Variants in FAF1 observed in about 807,000 individuals in gnomAD.
FAF1 encodes the protein Fas associated factor 1, also known as FAS-associated factor 1.
Under a neutral mutation model 92.5 loss-of-function variants are expected in FAF1, and 25 were observed. That is an observed-to-expected ratio of 0.27 (90% CI 0.20 to 0.38). The LOEUF (loss-of-function observed/expected upper bound fraction) is 0.38, where lower values mean the gene tolerates loss of function less well. Ranked by LOEUF, FAF1 falls within the 10% of genes least tolerant of loss-of-function variation. The pLI is 1.00. For synonymous variants in FAF1, 234 were observed against 273.2 expected (o/e 0.86, Z 1.42); for missense variants, 636 against 793.3 (o/e 0.80, Z 2.38).
intron 1 of FAF1, among the ~76,000 whole-genome samples, chr1:50,901,327 T>A (rs931755560): frequency 1.3e-5 from 2 of 152,116 alleles, no homozygotes; most frequent in African/African-American, 4.8e-5. Flanking sequence ...GAAAGATCAA[T>A]TATTTTAATT....
At chr1:50,823,187 G>C (rs926120356) in intron 2 of FAF1, among the ~76,000 whole-genome samples, 1 of 152,160 alleles carries the variant, frequency 6.6e-6, no homozygotes, top group Non-Finnish European at 1.5e-5. Context: ...TATATTACAA[G>C]CAGCAGCAGA....
chr1:50,586,728 TTTAGAGCA>T (rs1220678831), intron 9 of FAF1, among the ~76,000 whole-genome samples: 3 of 152,176 alleles, frequency 2.0e-5, no homozygotes, highest in Non-Finnish European at 4.4e-5. Flanking sequence ...GCTTTCTCAT[TTTAGAGCA>T]GTGAAAGAGC....
At chr1:50,931,190 T>G (rs908581589) in intron 1 of FAF1, among the ~76,000 whole-genome samples, 2 of 152,260 alleles carry the variant, frequency 1.3e-5, no homozygotes, top group Admixed American at 6.5e-5. Context: ...TAGTTTACTG[T>G]AAGTTTACTA....
intron 7 of FAF1, among the ~76,000 whole-genome samples, chr1:50,705,185 C>T (rs181207025): frequency 1.3e-5 from 2 of 152,312 alleles, no homozygotes; most frequent in Admixed American, 1.3e-4. Flanking sequence ...GGGCCCAAGG[C>T]ATACCAACAA....
chr1:50,626,454 C>A (rs977630854), intron 8 of FAF1, among the ~76,000 whole-genome samples: 1 of 152,064 alleles, frequency 6.6e-6, no homozygotes, highest in Non-Finnish European at 1.5e-5. Context: ...AAGAATTATA[C>A]AGGATATATC....
At chr1:50,638,439 CTTTT>C (rs1654163145) in intron 8 of FAF1, among the ~76,000 whole-genome samples, 1 of 143,248 alleles carries the variant, frequency 7.0e-6, no homozygotes, top group East Asian at 2.0e-4. Flanking sequence ...TTTTCTTTTT[CTTTT>C]TCTTTTTTTT....
At chr1:50,922,162 G>A (rs561814887) in intron 1 of FAF1, among the ~76,000 whole-genome samples, 8 of 128,730 alleles carry the variant, frequency 6.2e-5, no homozygotes, top group South Asian at 2.4e-4. Flanking sequence ...GAGAGACTCC[G>A]TCTCAAAAAA....
At chr1:50,654,694 A>C (rs1655023986) in intron 8 of FAF1, among the ~76,000 whole-genome samples, 1 of 152,216 alleles carries the variant, frequency 6.6e-6, no homozygotes. Flanking sequence ...AGGTAGTTTT[A>C]AAATTAAATA....
intron 1 of FAF1, among the ~76,000 whole-genome samples, chr1:50,893,900 C>G (rs939349642): frequency 5.9e-5 from 9 of 152,146 alleles, no homozygotes; most frequent in Non-Finnish European, 1.2e-4. Context: ...GGCACTCAAA[C>G]CACAAGACTA....
intron 8 of FAF1, among the ~76,000 whole-genome samples, chr1:50,639,797 G>T (rs1654232013): frequency 6.6e-6 from 1 of 151,926 alleles, no homozygotes; most frequent in Admixed American, 6.6e-5. Context: ...AGCCGGGCAT[G>T]GTGGCATGCA....
chr1:50,628,287 AT>A (rs1653603883), intron 8 of FAF1, among the ~76,000 whole-genome samples: 1 of 152,162 alleles, frequency 6.6e-6, no homozygotes, highest in Non-Finnish European at 1.5e-5. Flanking sequence ...GAAGAAACTT[AT>A]TTTACTCAGC....
chr1:50,568,697 G>C (rs1444822650), intron 12 of FAF1, among the ~76,000 whole-genome samples: 1 of 152,174 alleles, frequency 6.6e-6, no homozygotes, highest in Non-Finnish European at 1.5e-5. Flanking sequence ...CAGATAGTTA[G>C]TAACTAATAC....
intron 1 of FAF1, among the ~76,000 whole-genome samples, chr1:50,887,484 T>G (rs1644677462): frequency 6.6e-6 from 1 of 152,234 alleles, no homozygotes; most frequent in Admixed American, 6.5e-5. Flanking sequence ...TGCCTACATT[T>G]TCTTCTAGGG....
chr1:50,501,579 T>C (rs935775009), intron 15 of FAF1, among the ~76,000 whole-genome samples: 20 of 151,066 alleles, frequency 1.3e-4, no homozygotes, highest in African/African-American at 4.9e-4. Context: ...GAGAATGGCA[T>C]GAACCCAAGA....
At chr1:50,459,319 C>T (rs1572755907) in intron 18 of FAF1, among the ~76,000 whole-genome samples, 1 of 152,124 alleles carries the variant, frequency 6.6e-6, no homozygotes, top group East Asian at 1.9e-4. Context: ...CTCTCTATGG[C>T]TTATCTTCAA....
chr1:50,623,112 C>T (rs1653288957), intron 8 of FAF1, among the ~76,000 whole-genome samples: 1 of 152,152 alleles, frequency 6.6e-6, no homozygotes, highest in African/African-American at 2.4e-5. Flanking sequence ...TTCCTCAGAT[C>T]CTCAAGTATC....
chr1:50,801,567 T>G, intron 3 of FAF1, 64 bp downstream of exon 3: 4 of 869,396 alleles, frequency 4.6e-6, no homozygotes, highest in Non-Finnish European at 7.5e-6. Flanking sequence ...ACAAAAAAAT[T>G]AACAGCTAGC....
chr1:50,486,555 T>C (rs534776781), intron 17 of FAF1, among the ~76,000 whole-genome samples: 1 of 152,278 alleles, frequency 6.6e-6, no homozygotes, highest in African/African-American at 2.4e-5. Flanking sequence ...GGGCGCACCG[T>C]GAAGTCTTTC....
intron 1 of FAF1, among the ~76,000 whole-genome samples, chr1:50,877,723 C>T (rs1202656888): frequency 6.6e-6 from 1 of 152,026 alleles, no homozygotes; most frequent in African/African-American, 2.4e-5. Context: ...GGAAGAAATG[C>T]TTCCTCATTC....
Sources: allele counts gnomAD v4.1 joint callset (sites outside exome capture counted in the v4.1 genomes callset), GRCh38; gene constraint gnomAD v4.1.1; transcripts MANE v1.5; gene names NCBI Gene and HGNC (gene_info 2026-07-23, HGNC 2026-07-21).